Variants in ITGBL1 observed in about 807,000 individuals in gnomAD.
The protein encoded by ITGBL1 is integrin beta-like protein 1.
A neutral mutation model predicts 68.5 loss-of-function variants in ITGBL1; 51 were observed. The observed-to-expected ratio is 0.74, with a 90% CI of 0.59 to 0.94. The LOEUF (loss-of-function observed/expected upper bound fraction) is 0.94. ITGBL1 is among the 40% of genes least tolerant of loss of function. ITGBL1 has a pLI of 0.00. For missense variants in ITGBL1, 649 were observed against 647.4 expected (o/e 1.00, Z -0.03); for synonymous variants, 209 against 227.3 (o/e 0.92, Z 0.72).
intron 2 of ITGBL1, among the ~76,000 whole-genome samples, chr13:101,526,753 TATATTTTTATG>T (rs2049387140): frequency 9.5e-6 from 1 of 105,760 alleles, no homozygotes; most frequent in African/African-American, 4.7e-5. Flanking sequence ...TTTTCTATAA[TATATTTTTATG>T]TTTATTCATC....
downstream of ITGBL1, chr13:101,717,920 G>A (rs1015845764): frequency 1.3e-5 from 2 of 152,078 alleles, no homozygotes; most frequent in Non-Finnish European, 2.9e-5. Flanking sequence ...TACAACAAAA[G>A]TGCTGCTCTT....
At chr13:101,659,894 G>A (rs1190315024) in intron 7 of ITGBL1, among the ~76,000 whole-genome samples, 1 of 152,182 alleles carries the variant, frequency 6.6e-6, no homozygotes, top group Non-Finnish European at 1.5e-5. Context: ...CTCAGCCTCA[G>A]ATGAGCTCAA....
intron 7 of ITGBL1, among the ~76,000 whole-genome samples, chr13:101,604,728 G>A (rs993600181): frequency 2.3e-4 from 35 of 149,184 alleles, no homozygotes; most frequent in African/African-American, 8.6e-4. Context: ...ACATGAGTTA[G>A]GAAAGCAATT....
chr13:101,468,657 T>C (rs2048416082), intron 2 of ITGBL1, among the ~76,000 whole-genome samples: 2 of 152,212 alleles, frequency 1.3e-5, no homozygotes, highest in South Asian at 2.1e-4. Context: ...TTTAAAAATA[T>C]AACTTCTTTT....
chr13:101,508,887 A>G (rs1019196678), intron 2 of ITGBL1, among the ~76,000 whole-genome samples: 6 of 152,138 alleles, frequency 3.9e-5, no homozygotes, highest in Non-Finnish European at 7.4e-5. Flanking sequence ...TTTTTTAAAA[A>G]ATTCTCTCCT....
At chr13:101,467,180 G>A (rs913431495) in intron 2 of ITGBL1, among the ~76,000 whole-genome samples, 2 of 152,104 alleles carry the variant, frequency 1.3e-5, no homozygotes, top group African/African-American at 4.8e-5. Flanking sequence ...TGTCACGTTG[G>A]GGATTAGGTT....
chr13:101,582,865 A>G (rs2050483560), intron 5 of ITGBL1, among the ~76,000 whole-genome samples: 1 of 152,086 alleles, frequency 6.6e-6, no homozygotes, highest in Non-Finnish European at 1.5e-5. Flanking sequence ...AGTGTTTGTT[A>G]ATTTTTCTTT....
intron 2 of ITGBL1, among the ~76,000 whole-genome samples, chr13:101,510,412 G>A (rs1295121803): frequency 1.3e-5 from 2 of 152,010 alleles, no homozygotes; most frequent in African/African-American, 4.8e-5. Context: ...ATCCACCATT[G>A]ATGGGTATGT....
chr13:101,502,513 T>C (rs754860225), intron 2 of ITGBL1, among the ~76,000 whole-genome samples: 1 of 152,236 alleles, frequency 6.6e-6, no homozygotes, highest in Non-Finnish European at 1.5e-5. Flanking sequence ...CTTAGGTATA[T>C]GAGATAACAT....
At chr13:101,688,619 G>A (rs2033810372) in intron 7 of ITGBL1, among the ~76,000 whole-genome samples, 1 of 152,156 alleles carries the variant, frequency 6.6e-6, no homozygotes, top group African/African-American at 2.4e-5. Flanking sequence ...ACAATCATAT[G>A]TATGTTTTTA....
intron 7 of ITGBL1, among the ~76,000 whole-genome samples, chr13:101,616,864 T>C (rs1178886270): frequency 1.3e-5 from 2 of 152,114 alleles, no homozygotes; most frequent in Non-Finnish European, 1.5e-5. Context: ...AATGAGGGAG[T>C]TGGGGAATCC....
At chr13:101,650,704 A>G (rs2032720374) in intron 7 of ITGBL1, among the ~76,000 whole-genome samples, 1 of 150,470 alleles carries the variant, frequency 6.6e-6, no homozygotes, top group Admixed American at 6.7e-5. Flanking sequence ...AACATGTGCC[A>G]TGGTGGTTTG....
intron 7 of ITGBL1, among the ~76,000 whole-genome samples, chr13:101,685,947 A>G (rs2033744670): frequency 6.6e-6 from 1 of 152,140 alleles, no homozygotes; most frequent in African/African-American, 2.4e-5. Flanking sequence ...GAGGTTATAT[A>G]AGATGGTACA....
intron 7 of ITGBL1, among the ~76,000 whole-genome samples, chr13:101,604,887 T>TATGTATATATATATATACACAC: frequency 5.0e-4 from 11 of 22,168 alleles, no homozygotes; most frequent in Admixed American, 8.1e-4. Context: ...TATATATATA[T>TATGTATATATATATATACACAC]ACACACACAC....
chr13:101,625,175 A>G (rs2031728651), intron 7 of ITGBL1, among the ~76,000 whole-genome samples: 1 of 152,216 alleles, frequency 6.6e-6, no homozygotes, highest in Non-Finnish European at 1.5e-5. Flanking sequence ...CTGATGGAGC[A>G]CTGGTGTCAC....
At chr13:101,461,001 G>C (rs1434052619) in intron 2 of ITGBL1, among the ~76,000 whole-genome samples, 1 of 152,112 alleles carries the variant, frequency 6.6e-6, no homozygotes, top group Non-Finnish European at 1.5e-5. Flanking sequence ...ATATCACACA[G>C]AGACAGACAT....
intron 7 of ITGBL1, among the ~76,000 whole-genome samples, chr13:101,605,433 T>TAA (rs1336834902): frequency 4.5e-4 from 68 of 150,092 alleles, no homozygotes; most frequent in Admixed American, 1.5e-3. Flanking sequence ...TATATAGACA[T>TAA]GTATATGCGT....
At chr13:101,681,238 A>T (rs570082887) in intron 7 of ITGBL1, among the ~76,000 whole-genome samples, 1 of 152,250 alleles carries the variant, frequency 6.6e-6, no homozygotes, top group East Asian at 1.9e-4. Context: ...GGAACACTTT[A>T]AATGTGACCA....
At chr13:101,630,066 C>G (rs2031926329) in intron 7 of ITGBL1, among the ~76,000 whole-genome samples, 2 of 152,268 alleles carry the variant, frequency 1.3e-5, no homozygotes, top group Non-Finnish European at 2.9e-5. Flanking sequence ...TTGTGATCCA[C>G]CCACATTGGC....
Sources: allele counts gnomAD v4.1 joint callset (sites outside exome capture counted in the v4.1 genomes callset), GRCh38; gene constraint gnomAD v4.1.1; transcripts MANE v1.5; gene names NCBI Gene and HGNC (gene_info 2026-07-23, HGNC 2026-07-21).